The following CLN6 variants were observed in gnomAD, a reference collection of about 807,000 sequenced individuals.
The protein encoded by CLN6 is CLN6 transmembrane ER protein, also known as ceroid-lipofuscinosis neuronal protein 6.
In CLN6, 22 loss-of-function variants were observed where a neutral mutation model predicts 33.3. That is an observed-to-expected ratio of 0.66 (90% confidence interval 0.47 to 0.94). CLN6 has a LOEUF of 0.94. Ranked by LOEUF, CLN6 falls within the 40% of genes least tolerant of loss-of-function variation. The pLI, the probability that CLN6 is intolerant of heterozygous loss-of-function variation, is 0.00. For synonymous variants in CLN6, 201 were observed against 174.6 expected, an observed-to-expected ratio of 1.15 and a Z score of -1.19; for missense variants, 387 against 417.1, an observed-to-expected ratio of 0.93 and a Z score of 0.63.
rs748470120 is a variant in CLN6, at chr15:68,218,674, A to T, written c.84-24T>A. On this transcript the variant is annotated intron_variant, in intron 1 of 6. Transcript: ENST00000249806. ...GCCTGGGAAGGAACCAGACGAGAGA[A>T]GTCAGCTCTTCTCTCCTCCTCCACC... 3.2e-6 allele frequency: 5 copies of T among 1,572,982 alleles called. No homozygotes were observed. The South Asian group carries it at 5.5e-5, about 17-fold the overall frequency.
chr15:68,226,179 C>T (rs997880638), intron 1 of CLN6, among the ~76,000 whole-genome samples: 9 of 151,734 alleles, frequency 5.9e-5, no homozygotes, highest in African/African-American at 2.2e-4. Flanking sequence ...ATTAGCTGGG[C>T]GTGGTGCCGA....
At chr15:68,218,384 A>C in intron 2 of CLN6, 152 bp downstream of exon 2, 1 of 643,518 alleles carries the variant, frequency 1.6e-6, no homozygotes, top group East Asian at 3.1e-5. Flanking sequence ...GGGCCAAGTC[A>C]TAGAGCTAAG....
At chr15:68,232,210 T>G (rs889623928), upstream of CLN6, among the ~76,000 whole-genome samples, 33 of 149,074 alleles carry the variant, frequency 2.2e-4, no homozygotes, top group African/African-American at 7.9e-4. The surrounding 1 kb of genome is among the most constrained non-coding windows in gnomAD (Gnocchi z 4.7). Context: ...CAGGCTGGAG[T>G]GCAATGGCAC....
At position 68,211,947 on chromosome 15, in the gene CLN6, G is replaced by C. The variant is rs2093207070; in HGVS notation, c.298-84C>G. 3 of 1,423,088 alleles carry C rather than the reference G, an allele frequency of 2.1e-6. No homozygotes were observed. In the African/African-American group the frequency reaches 4.2e-5, roughly 20 times the overall value. 88.2% of individuals were successfully genotyped at this position (1,423,088 alleles called of 1,614,324 possible). ...CTCTGCTTCCCCCCTCACACCTGGG[G>C]TGGGATGGACGCTTCCAGCTGGAAT... On this transcript the variant is annotated intron_variant, in intron 3 of 6. Coordinates refer to ENST00000249806, the MANE Select transcript of CLN6 (RefSeq NM_017882.3). This position sits in a 1 kb window ranked among gnomAD's most constrained non-coding sequence, Gnocchi z 5.9.
chr15:68,229,808 C>T, upstream of CLN6: 1 of 165,036 alleles, frequency 6.1e-6, no homozygotes, highest in Non-Finnish European at 1.1e-5. Context: ...ACGGGGCGGG[C>T]TCCGCTAGGG....
At chr15:68,214,221 G>GTAA in intron 3 of CLN6, 69 bp downstream of exon 3, 1 of 1,196,618 alleles carries the variant, frequency 8.4e-7, no homozygotes, top group Non-Finnish European at 1.2e-6. Context: ...ACAGGGCTTA[G>GTAA]CATCACCTTC....
At chr15:68,255,371 A>G (rs1179817180) in intron 1 of CLN6, among the ~76,000 whole-genome samples, 4 of 149,198 alleles carry the variant, frequency 2.7e-5, no homozygotes, top group Non-Finnish European at 5.9e-5. Context: ...TGCCACTGAG[A>G]TGGAACCCCT....
intron 1 of CLN6, among the ~76,000 whole-genome samples, chr15:68,225,966 A>G (rs12438246): frequency 0.54 from 81,641 of 151,568 alleles, 22,474 homozygotes; most frequent in African/African-American, 0.57. Context: ...GTGAAACTCC[A>G]TCTCAAAAAA....
chr15:68,227,511 G>A lies in CLN6; in HGVS notation c.83+1991C>T, dbSNP rs1474068564. On this transcript the variant is annotated intron_variant, in intron 1 of 6. Transcript: ENST00000249806. This position sits in a 1 kb window ranked among gnomAD's most constrained non-coding sequence, Gnocchi z 4.1. ...CTCTCTTGAGCAGCAATGATACTGG[G>A]AATGGGCTGAAGCCACATTGTGGGG... is the stretch of plus-strand genomic sequence containing the variant. 6.6e-6 allele frequency among the ~76,000 whole-genome samples: 1 copy of A among 152,178 alleles called. No individual in the cohort carries two copies. The highest frequency in any genetic ancestry group is 1.5e-5 in the Non-Finnish European group (1 of 68,020).
intron 1 of CLN6, among the ~76,000 whole-genome samples, chr15:68,223,844 G>A (rs372102259): frequency 1.3e-3 from 203 of 151,888 alleles, no homozygotes; most frequent in African/African-American, 4.6e-3. Context: ...TCAGGAGTTC[G>A]AGACCAGCCT....
In CLN6 at chr15:68,208,873, CCCAGTGGG is replaced by C. The variant is rs2093196054; in HGVS notation, c.666-471_666-464del. 6.6e-6 allele frequency among the ~76,000 whole-genome samples: 1 copy of C among 152,170 alleles called. No individual in the cohort carries two copies. Among genetic ancestry groups the C allele is most frequent in the Non-Finnish European group, 1.5e-5 (1 of 68,032 alleles). ...ATCCCCAGAGAGCATACAGATGAGC[CCCAGTGGG>C]CCATCTCAGCCACATAGGGGACAGG... is the stretch of plus-strand genomic sequence containing the variant. On this transcript the variant is annotated intron_variant, in intron 6 of 6. Coordinates refer to ENST00000249806, the MANE Select transcript of CLN6 (RefSeq NM_017882.3). This position sits in a 1 kb window ranked among gnomAD's most constrained non-coding sequence, Gnocchi z 5.8.
At position 68,256,168 on chromosome 15, in the gene CLN6, G is replaced by A. The variant is rs1892433389; in HGVS notation, c.179+522C>T. 6.6e-6 allele frequency among the ~76,000 whole-genome samples: 1 copy of A among 151,760 alleles called. No homozygotes were observed. The highest frequency in any genetic ancestry group is 1.5e-5 in the Non-Finnish European group (1 of 67,990). On this transcript the variant is annotated intron_variant, in intron 1 of 6. Transcript: ENST00000538696. The surrounding 1 kb of genome is among the most constrained non-coding windows in gnomAD (Gnocchi z 4.1). Reference sequence around the variant, plus strand: ...GTCTCCCAAGCTGGAGTGCAGTGGCGCCATCTCGGCTCACTGCAACCTCTG... The same window carrying A: ...GTCTCCCAAGCTGGAGTGCAGTGGCACCATCTCGGCTCACTGCAACCTCTG...
Position 68,219,877 on chromosome 15 carries a change from C to T in CLN6, c.84-1227G>A, listed in dbSNP as rs558727156. The stretch of plus-strand genomic sequence containing the variant: ...TTGTGCCAAGAACAGGCGCCATGGA[C>T]CACAAATCTGTATTCCTCCAGAGTT... On this transcript the variant is annotated intron_variant, in intron 1 of 6. Coordinates refer to ENST00000249806, the MANE Select transcript of CLN6 (RefSeq NM_017882.3). The surrounding 1 kb of genome is among the most constrained non-coding windows in gnomAD (Gnocchi z 4.2). Among the ~76,000 whole-genome samples the T allele has an allele frequency of 1.3e-5, 2 of 152,314 alleles. No individual in the cohort carries two copies. Among genetic ancestry groups the T allele is most frequent in the South Asian group, 4.1e-4 (2 of 4,828 alleles).
In CLN6 at chr15:68,208,085, C is replaced by A; in HGVS notation, c.*55G>T. 6.5e-7 allele frequency: 1 copy of A among 1,540,602 alleles called. No individual in the cohort carries two copies. The highest frequency in any genetic ancestry group is 8.8e-7 in the Non-Finnish European group (1 of 1,138,596). ...CCCCCCCTACTCCTGTATTCAGATG[C>A]CCTCCATGGCCCACCCTCCCACCCA... On this transcript the variant is annotated 3_prime_UTR_variant, in exon 7 of 7. Coordinates refer to ENST00000249806, the MANE Select transcript of CLN6 (RefSeq NM_017882.3). The surrounding 1 kb of genome is among the most constrained non-coding windows in gnomAD (Gnocchi z 5.8).
At position 68,218,658 on chromosome 15, in the gene CLN6, G is replaced by C; in HGVS notation, c.84-8C>G. 1 of 1,608,186 alleles carries C rather than the reference G, an allele frequency of 6.2e-7. No homozygotes were observed. Among genetic ancestry groups the C allele is most frequent in the Non-Finnish European group, 8.5e-7 (1 of 1,175,048 alleles). The stretch of plus-strand genomic sequence containing the variant: ...GCGCTCACAGAGCCATGCCTGGGAA[G>C]GAACCAGACGAGAGAAGTCAGCTCT... On this transcript the variant is annotated splice_polypyrimidine_tract_variant and splice_region_variant and intron_variant, in intron 1 of 6. Transcript: ENST00000249806.
chr15:68,207,492 T>C lies in CLN6; in HGVS notation c.*648A>G, dbSNP rs187120286. 2.0e-3 allele frequency: 323 copies of C among 163,098 alleles called. 3 individuals carry two copies. The highest frequency in any genetic ancestry group is 7.2e-3 in the African/African-American group (299 of 41,654). 10.1% of individuals were successfully genotyped at this position (163,098 alleles called of 1,614,324 possible). A position where few individuals can be genotyped will look rare whatever the true frequency, so the allele number is the denominator to read the frequency against. Reference sequence around the variant, plus strand: ...CCTGGGCAGGGGTCTGGAGTGCACATAGCCCCCAGGCAGGGAGAGGGCAGT... The same window carrying C: ...CCTGGGCAGGGGTCTGGAGTGCACACAGCCCCCAGGCAGGGAGAGGGCAGT... On this transcript the variant is annotated 3_prime_UTR_variant, in exon 7 of 7. Coordinates refer to ENST00000249806, the MANE Select transcript of CLN6 (RefSeq NM_017882.3).
intron 3 of CLN6, chr15:68,212,300 G>A (rs2093208464): frequency 1.0e-5 from 2 of 200,644 alleles, no homozygotes; most frequent in African/African-American, 2.3e-5. Flanking sequence ...AAATGTCAGG[G>A]ATGGGGGCAG....
In CLN6 at chr15:68,211,852, C is replaced by T; in HGVS notation, c.309G>A (p.Arg103=). ...TPFLLLKLIE[R]SPRTLPRSIT... is the part of the protein sequence containing the mutation. The stretch of plus-strand genomic sequence containing the variant: ...TGGAGCGTGGCAGGGTGCGGGGGGA[C>T]CGCTCGATGAGCTGGGGTTCAGAGT... Residue 103 remains arginine (R), a synonymous_variant, in exon 4 of 7, where the codon CGG becomes CGA. Coordinates refer to ENST00000249806, the MANE Select transcript of CLN6 (RefSeq NM_017882.3). This position sits in a 1 kb window ranked among gnomAD's most constrained non-coding sequence, Gnocchi z 5.9. 6.2e-7 allele frequency: 1 copy of T among 1,613,594 alleles called. No individual in the cohort carries two copies. The highest frequency in any genetic ancestry group is 8.5e-7 in the Non-Finnish European group (1 of 1,179,966).
chr15:68,249,446 G>A (rs1892356231), intron 1 of CLN6, among the ~76,000 whole-genome samples: 1 of 152,164 alleles, frequency 6.6e-6, no homozygotes, highest in South Asian at 2.1e-4. Flanking sequence ...TGAATGTATG[G>A]ATAAAGAAAA....
Sources: allele counts gnomAD v4.1 joint callset (sites outside exome capture counted in the v4.1 genomes callset), GRCh38; gene constraint gnomAD v4.1.1; non-coding constraint Gnocchi (gnomAD v3.1); transcripts MANE v1.5; gene names NCBI Gene and HGNC (gene_info 2026-07-23, HGNC 2026-07-21).